The following NRCAM variants were observed in gnomAD, a reference collection of about 807,000 sequenced individuals.
NRCAM encodes the protein NgCAM-related cell adhesion molecule.
A neutral mutation model predicts 156.5 loss-of-function variants in NRCAM; 83 were observed. That is an observed-to-expected ratio of 0.53 (90% confidence interval 0.44 to 0.64). NRCAM has a LOEUF of 0.64. NRCAM is among the 30% of genes least tolerant of loss of function. The pLI is 0.00. For missense variants in NRCAM, 1,417 were observed against 1,597.3 expected, an observed-to-expected ratio of 0.89 and a Z score of 1.92; for synonymous variants, 538 against 563.9, an observed-to-expected ratio of 0.95 and a Z score of 0.65.
At chr7:108,297,854 A>C (rs73416359) in intron 3 of NRCAM, among the ~76,000 whole-genome samples, 1 of 152,234 alleles carries the variant, frequency 6.6e-6, no homozygotes, top group Non-Finnish European at 1.5e-5. Context: ...GGTTCAGGAA[A>C]TAACTCACCA....
chr7:108,160,749 G>A (rs1165956714), intron 30 of NRCAM, among the ~76,000 whole-genome samples: 4 of 152,162 alleles, frequency 2.6e-5, no homozygotes, highest in African/African-American at 9.7e-5. Context: ...GGTGAACACT[G>A]TGTTCACAGT....
At chr7:108,196,987 T>A (rs1286703007) in intron 14 of NRCAM, among the ~76,000 whole-genome samples, 1 of 152,162 alleles carries the variant, frequency 6.6e-6, no homozygotes, top group Non-Finnish European at 1.5e-5. Context: ...CTGTGGCATA[T>A]ACACACAATG....
At chr7:108,300,418 A>C (rs1294025405) in intron 3 of NRCAM, among the ~76,000 whole-genome samples, 1 of 152,132 alleles carries the variant, frequency 6.6e-6, no homozygotes, top group Non-Finnish European at 1.5e-5. Flanking sequence ...TTTTATAATA[A>C]ACATCTATTT....
At chr7:108,321,661 C>A (rs898854442) in intron 2 of NRCAM, among the ~76,000 whole-genome samples, 2 of 152,130 alleles carry the variant, frequency 1.3e-5, no homozygotes, top group African/African-American at 4.8e-5. Context: ...TGCAAAGAGG[C>A]CTCTACGACC....
intron 3 of NRCAM, among the ~76,000 whole-genome samples, chr7:108,258,460 G>C (rs745673935): frequency 6.6e-6 from 1 of 152,074 alleles, no homozygotes; most frequent in African/African-American, 2.4e-5. Context: ...TTCTTGTCTA[G>C]GGAAAGACCC....
At chr7:108,393,692 A>G (rs767226092) in intron 2 of NRCAM, among the ~76,000 whole-genome samples, 22 of 152,138 alleles carry the variant, frequency 1.4e-4, no homozygotes, top group Non-Finnish European at 2.8e-4. Flanking sequence ...GGAGCTGTAG[A>G]CTGGAGCTGT....
At chr7:108,390,260 C>A (rs2099755369) in intron 2 of NRCAM, among the ~76,000 whole-genome samples, 1 of 152,160 alleles carries the variant, frequency 6.6e-6, no homozygotes, top group Non-Finnish European at 1.5e-5. Context: ...AGGGATTCAA[C>A]TTCTTCCTGG....
chr7:108,239,872 C>T, intron 4 of NRCAM, 87 bp downstream of exon 4: 1 of 790,656 alleles, frequency 1.3e-6, no homozygotes, highest in Non-Finnish European at 2.1e-6. Flanking sequence ...ACACAGACAC[C>T]TTCTCCATTC....
At chr7:108,363,367 C>T (rs1329663482) in intron 2 of NRCAM, among the ~76,000 whole-genome samples, 2 of 152,094 alleles carry the variant, frequency 1.3e-5, no homozygotes, top group East Asian at 1.9e-4. Flanking sequence ...TTCCTGCAAC[C>T]TCCACCTCCC....
intron 3 of NRCAM, among the ~76,000 whole-genome samples, chr7:108,291,454 T>C (rs1018594988): frequency 1.1e-4 from 17 of 152,162 alleles, no homozygotes; most frequent in Admixed American, 7.2e-4. Context: ...CATAACAACA[T>C]AGAAAAAGAC....
In NRCAM at chr7:108,247,839, A is replaced by G. The variant is rs115531757; in HGVS notation, c.-106-7669T>C. On this transcript the variant is annotated intron_variant, in intron 3 of 32. Transcript: ENST00000379028. Reference sequence around the variant, plus strand: ...CTCTCCCACAAGACAGGTAATCTGGAGAAAGGGAGGAAAGAGGGGCAAGCC... The same window carrying G: ...CTCTCCCACAAGACAGGTAATCTGGGGAAAGGGAGGAAAGAGGGGCAAGCC... Among the ~76,000 whole-genome samples, 158 of 152,330 alleles carry G rather than the reference A, an allele frequency of 1.0e-3. 1 individual carries two copies. Among genetic ancestry groups the G allele is most frequent in the African/African-American group, 3.7e-3 (153 of 41,576 alleles).
intron 14 of NRCAM, 67 bp from the exon 15 acceptor site, chr7:108,195,939 T>G (rs1265924643): frequency 9.4e-7 from 1 of 1,060,868 alleles, no homozygotes; most frequent in Non-Finnish European, 1.4e-6. Context: ...TTATTTATTG[T>G]ATTTTGTTTT....
intron 13 of NRCAM, among the ~76,000 whole-genome samples, chr7:108,198,498 A>G (rs1240455985): frequency 2.0e-5 from 3 of 152,104 alleles, no homozygotes. Flanking sequence ...TTATTTTGAG[A>G]GATGCAGAAA....
At chr7:108,240,495 G>T (rs551653621) in intron 3 of NRCAM, among the ~76,000 whole-genome samples, 1 of 152,136 alleles carries the variant, frequency 6.6e-6, no homozygotes, top group Non-Finnish European at 1.5e-5. Flanking sequence ...CTTTTAAGCT[G>T]GTCAGCAAGC....
chr7:108,291,403 T>C (rs894428904), intron 3 of NRCAM, among the ~76,000 whole-genome samples: 21 of 152,206 alleles, frequency 1.4e-4, no homozygotes, highest in Non-Finnish European at 2.5e-4. Context: ...CCTGATGCTA[T>C]ATAATTAGAA....
intron 2 of NRCAM, among the ~76,000 whole-genome samples, chr7:108,328,848 A>G (rs1050296318): frequency 6.6e-6 from 1 of 152,182 alleles, no homozygotes; most frequent in Non-Finnish European, 1.5e-5. Context: ...TAAATCTTGT[A>G]CTAACTCAAA....
At chr7:108,294,897 G>A (rs1284243995) in intron 3 of NRCAM, among the ~76,000 whole-genome samples, 6 of 152,086 alleles carry the variant, frequency 3.9e-5, no homozygotes, top group Non-Finnish European at 8.8e-5. Context: ...TCAGTTTCCT[G>A]TTCATTAACT....
chr7:108,385,120 A>G (rs1423533366), intron 2 of NRCAM, among the ~76,000 whole-genome samples: 1 of 152,240 alleles, frequency 6.6e-6, no homozygotes, highest in African/African-American at 2.4e-5. Context: ...TTGCAACTTA[A>G]GGCGTTATGA....
intron 1 of NRCAM, among the ~76,000 whole-genome samples, chr7:108,406,427 T>C (rs1384228979): frequency 6.6e-6 from 1 of 152,128 alleles, no homozygotes; most frequent in Non-Finnish European, 1.5e-5. Flanking sequence ...ATTAGGGAGT[T>C]TCTACTATAC....
Sources: allele counts gnomAD v4.1 joint callset (sites outside exome capture counted in the v4.1 genomes callset), GRCh38; gene constraint gnomAD v4.1.1; transcripts MANE v1.5; gene names NCBI Gene and HGNC (gene_info 2026-07-23, HGNC 2026-07-21).